Variants in MINDY3 observed in about 807,000 individuals in gnomAD.
The protein encoded by MINDY3 is ubiquitin carboxyl-terminal hydrolase MINDY-3.
MINDY3 carries 38 observed loss-of-function variants against 69.2 expected under a neutral mutation model. The observed-to-expected ratio is 0.55, with a 90% CI of 0.42 to 0.72. MINDY3 has a LOEUF of 0.72. Ranked by LOEUF, MINDY3 falls within the 30% of genes least tolerant of loss-of-function variation. MINDY3 has a pLI of 0.00. For synonymous variants in MINDY3, 192 were observed against 180.1 expected (o/e 1.07, Z -0.53); for missense variants, 522 against 519.0 (o/e 1.01, Z -0.06).
At chr10:15,844,810 T>C (rs997094891) in intron 2 of MINDY3, among the ~76,000 whole-genome samples, 4 of 152,070 alleles carry the variant, frequency 2.6e-5, no homozygotes, top group Non-Finnish European at 4.4e-5. Flanking sequence ...GCACTGGCAA[T>C]TGTAATTTTA....
At chr10:15,844,401 GCT>G (rs1833689057) in intron 2 of MINDY3, among the ~76,000 whole-genome samples, 1 of 152,072 alleles carries the variant, frequency 6.6e-6, no homozygotes. Flanking sequence ...ATTTTGACAT[GCT>G]TCCTTCCCAT....
intron 2 of MINDY3, among the ~76,000 whole-genome samples, chr10:15,843,565 C>T (rs949587896): frequency 1.3e-5 from 2 of 152,084 alleles, no homozygotes; most frequent in African/African-American, 4.8e-5. Context: ...GAAAAGCACA[C>T]AAACTTACTG....
chr10:15,808,957 C>T (rs1435489197), intron 10 of MINDY3, among the ~76,000 whole-genome samples: 2 of 151,936 alleles, frequency 1.3e-5, no homozygotes, highest in Non-Finnish European at 2.9e-5. Context: ...TTCAAATGCA[C>T]AGTAAAAACA....
chr10:15,825,417 C>T (rs1302306867), intron 8 of MINDY3, among the ~76,000 whole-genome samples: 2 of 152,094 alleles, frequency 1.3e-5, no homozygotes, highest in African/African-American at 2.4e-5. Flanking sequence ...GCCTTCTTGC[C>T]CAGGTTGGTT....
At chr10:15,844,317 A>G (rs1476892695) in intron 2 of MINDY3, among the ~76,000 whole-genome samples, 3 of 152,198 alleles carry the variant, frequency 2.0e-5, no homozygotes, top group Admixed American at 1.3e-4. Context: ...GTAGAAAAGT[A>G]TAACTACATC....
chr10:15,829,306 T>C (rs1840301011), intron 8 of MINDY3, among the ~76,000 whole-genome samples: 1 of 152,162 alleles, frequency 6.6e-6, no homozygotes, highest in Non-Finnish European at 1.5e-5. Flanking sequence ...GGCAGAGCCG[T>C]CTGAATAGAA....
intron 8 of MINDY3, among the ~76,000 whole-genome samples, chr10:15,830,303 G>A (rs1339028767): frequency 2.0e-5 from 3 of 152,200 alleles, no homozygotes; most frequent in Middle Eastern, 3.2e-3. Flanking sequence ...GTATTGAACA[G>A]TGCTCAAGGA....
chr10:15,798,470 T>TTG (rs1257802506), intron 10 of MINDY3, among the ~76,000 whole-genome samples: 70 of 151,734 alleles, frequency 4.6e-4, no homozygotes, highest in Non-Finnish European at 8.5e-4. Context: ...AAGTGTTTTT[T>TTG]TTTTTTTTTT....
intron 1 of MINDY3, among the ~76,000 whole-genome samples, chr10:15,848,740 A>T (rs1177226348): frequency 2.0e-5 from 3 of 151,690 alleles, no homozygotes; most frequent in Non-Finnish European, 4.4e-5. Context: ...TTACCCAACC[A>T]GCATTGACTG....
chr10:15,789,334 A>T lies in MINDY3; in HGVS notation c.956-15T>A. On this transcript the variant is annotated splice_polypyrimidine_tract_variant and intron_variant, in intron 11 of 14. Transcript: ENST00000277632. ...GAATCCATTATCTAGGGGGGAAAAA[A>T]TCAGAAACAACTTGAAATAAGAATT... The T allele has an allele frequency of 1.2e-5, 19 of 1,594,814 alleles. No homozygotes were observed. The highest frequency in any genetic ancestry group is 1.5e-5 in the Non-Finnish European group (18 of 1,164,004).
chr10:15,819,273 T>G (rs1205339959), intron 9 of MINDY3, among the ~76,000 whole-genome samples: 1 of 152,180 alleles, frequency 6.6e-6, no homozygotes, highest in Non-Finnish European at 1.5e-5. Context: ...CCTCCAAGCA[T>G]CTCATAGAAA....
At chr10:15,821,827 C>A in intron 8 of MINDY3, 101 bp from the exon 9 acceptor site, 1 of 880,004 alleles carries the variant, frequency 1.1e-6, no homozygotes. Context: ...TATACTACAC[C>A]AAAACTTTTA....
intron 14 of MINDY3, among the ~76,000 whole-genome samples, 194 bp from the exon 15 acceptor site, chr10:15,779,335 G>A (rs1396997621): frequency 3.9e-5 from 6 of 152,118 alleles, no homozygotes; most frequent in Non-Finnish European, 7.4e-5. Flanking sequence ...ATTTGTAAAC[G>A]ATATTTAATT....
intron 14 of MINDY3, among the ~76,000 whole-genome samples, chr10:15,780,737 A>G (rs1338116290): frequency 6.6e-6 from 1 of 152,242 alleles, no homozygotes; most frequent in Non-Finnish European, 1.5e-5. Context: ...GCTGCTGTAT[A>G]TTACTGTCAT....
intron 10 of MINDY3, among the ~76,000 whole-genome samples, chr10:15,816,302 A>C (rs910635945): frequency 6.6e-6 from 1 of 151,646 alleles, no homozygotes; most frequent in African/African-American, 2.4e-5. Context: ...AAAAATAAAA[A>C]AGACAAGAAA....
chr10:15,855,281 T>G (rs1367737777), intron 1 of MINDY3, among the ~76,000 whole-genome samples: 1 of 152,110 alleles, frequency 6.6e-6, no homozygotes, highest in Admixed American at 6.6e-5. Flanking sequence ...TAAAGTCAGC[T>G]AAATGAAAAT....
intron 1 of MINDY3, among the ~76,000 whole-genome samples, chr10:15,851,981 C>G (rs1834332314): frequency 6.6e-6 from 1 of 152,128 alleles, no homozygotes; most frequent in South Asian, 2.1e-4. Flanking sequence ...GCTCACTGTT[C>G]TCTCTACATA....
intron 12 of MINDY3, among the ~76,000 whole-genome samples, chr10:15,787,231 G>A (rs141396012): frequency 6.6e-6 from 1 of 152,210 alleles, no homozygotes; most frequent in Non-Finnish European, 1.5e-5. Context: ...ATACTGTATT[G>A]GTCCAGCAGC....
rs555331458 is a variant in MINDY3 at position 15,832,363 on chromosome 10, G to T, written c.730+1267C>A. On this transcript the variant is annotated intron_variant, in intron 8 of 14. Coordinates refer to ENST00000277632, the MANE Select transcript of MINDY3 (RefSeq NM_024948.4). ...AACAACTGGAAGAAGAAGAAAGACG[G>T]GAGTGTACAGAAGCCATCACAGGTG... 2.6e-5 allele frequency among the ~76,000 whole-genome samples: 4 copies of T among 152,120 alleles called. No homozygotes were observed. In the South Asian group the frequency reaches 8.3e-4, roughly 32 times the overall value.
Sources: gnomAD v4.1 joint callset for allele counts (sites outside exome capture counted in the v4.1 genomes callset) on GRCh38, gnomAD v4.1.1 for gene constraint, MANE v1.5 for transcripts, NCBI Gene and HGNC (gene_info 2026-07-23, HGNC 2026-07-21) for gene names.